WDR59: variants seen among roughly 807,000 people sequenced by gnomAD.
WDR59 encodes the protein WD repeat domain 59, also known as GATOR2 complex protein WDR59.
A neutral mutation model predicts 131.2 loss-of-function variants in WDR59; 100 were observed. The ratio of observed to expected loss-of-function variants is 0.76; its 90% confidence interval spans 0.65 to 0.90. WDR59 has a LOEUF of 0.90. WDR59 is among the 40% of genes least tolerant of loss of function. WDR59 has a pLI of 0.00. For missense variants in WDR59, 1,203 were observed against 1,262.2 expected, an observed-to-expected ratio of 0.95 and a Z score of 0.71; for synonymous variants, 601 against 466.2, an observed-to-expected ratio of 1.29 and a Z score of -3.72.
intron 20 of WDR59, 51 bp downstream of exon 20, chr16:74,892,433 A>G (rs1418760454): frequency 4.1e-6 from 6 of 1,460,040 alleles, no homozygotes; most frequent in Non-Finnish European, 4.8e-6. Flanking sequence ...AGTAAAAACA[A>G]TTTGCTCCTG....
chr16:74,909,941 C>T, intron 14 of WDR59, 24 bp from the exon 15 acceptor site: 1 of 1,464,716 alleles, frequency 6.8e-7, no homozygotes, highest in Non-Finnish European at 9.3e-7. Flanking sequence ...AAAACACAGT[C>T]AAGAAGAGGA....
intron 17 of WDR59, among the ~76,000 whole-genome samples, chr16:74,907,598 C>A (rs945199561): frequency 6.6e-6 from 1 of 152,200 alleles, no homozygotes; most frequent in African/African-American, 2.4e-5. Flanking sequence ...TTGGGCAATT[C>A]TTGCAGTGTG....
intron 6 of WDR59, among the ~76,000 whole-genome samples, chr16:74,944,335 G>A (rs772539432): frequency 1.4e-4 from 22 of 151,754 alleles, no homozygotes; most frequent in Non-Finnish European, 3.1e-4. Flanking sequence ...GTGTGGTGGC[G>A]TGCACCTGTA....
chr16:74,921,974 C>G lies in WDR59; in HGVS notation c.859G>C (p.Glu287Gln), dbSNP rs377125268. The G allele has an allele frequency of 6.2e-7, 1 of 1,614,028 alleles. No individual in the cohort carries two copies. Among genetic ancestry groups the G allele is most frequent in the East Asian group, 2.2e-5 (1 of 44,892 alleles). Reference sequence around the variant, plus strand: ...TCCTTCTGCTTCCTCCACTGGAACTCCAGGACCACATCATCATGCCCCACG... The same window carrying G: ...TCCTTCTGCTTCCTCCACTGGAACTGCAGGACCACATCATCATGCCCCACG... ...TFVGHDDVVL[E>Q]FQWRKQKEGS... The change falls in exon 10 of 26, where the codon GAG (glutamate) becomes CAG (glutamine). Residue 287 changes from glutamate to glutamine, a missense_variant. By Grantham distance (29) the Glu-to-Gln change is conservative. Transcript: ENST00000262144.
rs541264974 is a variant in WDR59, at chr16:74,935,783, G to A, written c.651+2367C>T. ...GGAGGCCAAGGCAGGTAGAGCACAA[G>A]GTCAAGAGATTGAGACCATCCTGGC... On this transcript the variant is annotated intron_variant, in intron 8 of 25. Coordinates refer to ENST00000262144, the MANE Select transcript of WDR59 (RefSeq NM_030581.4). 2.6e-4 allele frequency among the ~76,000 whole-genome samples: 40 copies of A among 152,134 alleles called. 1 individual carries two copies. The highest frequency in any genetic ancestry group is 9.4e-4 in the African/African-American group (39 of 41,510).
chr16:74,876,321 C>T (rs939673695), intron 25 of WDR59, among the ~76,000 whole-genome samples: 1 of 152,098 alleles, frequency 6.6e-6, no homozygotes, highest in African/African-American at 2.4e-5. Context: ...TATGTACAAA[C>T]TTTGGTTATG....
At chr16:74,892,411 T>A (rs573960815) in intron 20 of WDR59, 73 bp downstream of exon 20, 1 of 1,220,114 alleles carries the variant, frequency 8.2e-7, no homozygotes, top group Admixed American at 1.9e-5. Context: ...TGTCATTAAA[T>A]GCCAATGACA....
chr16:74,975,779 A>C (rs910511937), intron 1 of WDR59, among the ~76,000 whole-genome samples: 1 of 152,148 alleles, frequency 6.6e-6, no homozygotes, highest in Non-Finnish European at 1.5e-5. Flanking sequence ...CCTAAATCTT[A>C]ACACAGTCTG....
At chr16:74,934,518 T>C (rs1277750244) in intron 8 of WDR59, among the ~76,000 whole-genome samples, 1 of 152,212 alleles carries the variant, frequency 6.6e-6, no homozygotes, top group African/African-American at 2.4e-5. Context: ...GACTTCATTC[T>C]ATTTCAATCT....
chr16:74,917,857 T>C lies in WDR59; in HGVS notation c.966+72A>G, dbSNP rs1446450378. 6 of 1,335,784 alleles carry C rather than the reference T, an allele frequency of 4.5e-6. No homozygotes were observed. In the Admixed American group the frequency reaches 5.9e-5, roughly 13 times the overall value. The allele number at this position is 1,335,784 out of a possible 1,614,324, so 82.7% of individuals were successfully genotyped here. ...ATTGTTTATCCTGTAACCTCTAATT[T>C]CCGCAAATCCTGAATCTTACACTTT... On this transcript the variant is annotated intron_variant, in intron 11 of 25. Transcript: ENST00000262144.
At chr16:74,943,148 T>C (rs1304543618) in intron 6 of WDR59, among the ~76,000 whole-genome samples, 1 of 152,042 alleles carries the variant, frequency 6.6e-6, no homozygotes, top group African/African-American at 2.4e-5. Flanking sequence ...TGGCTAGTAA[T>C]TGACTTGTCA....
intron 2 of WDR59, chr16:74,959,550 G>A: frequency 2.2e-6 from 1 of 453,320 alleles, no homozygotes; most frequent in South Asian, 1.6e-5. Flanking sequence ...ATCGCTTGAG[G>A]CCCGGAGTTA....
intron 7 of WDR59, 98 bp downstream of exon 7, chr16:74,942,640 C>T (rs983526483): frequency 1.8e-5 from 21 of 1,192,012 alleles, no homozygotes; most frequent in East Asian, 1.2e-4. Flanking sequence ...CACAGGGTTC[C>T]CCAGACTCTC....
chr16:74,874,467 A>C (rs1490017795), intron 25 of WDR59, 23 bp from the exon 26 acceptor site: 2 of 1,608,192 alleles, frequency 1.2e-6, no homozygotes, highest in Non-Finnish European at 1.7e-6. Context: ...AGGGACGGGC[A>C]AAACAAGAGG....
chr16:74,878,530 G>T (rs189261936), intron 25 of WDR59, among the ~76,000 whole-genome samples: 1 of 152,168 alleles, frequency 6.6e-6, no homozygotes, highest in African/African-American at 2.4e-5. Context: ...GCGCACACCT[G>T]TAATACCTGG....
intron 2 of WDR59, among the ~76,000 whole-genome samples, chr16:74,958,614 A>AAAAAAAAAAAAAAAAAAAAAG (rs2033416528): frequency 7.0e-6 from 1 of 141,958 alleles, no homozygotes; most frequent in African/African-American, 2.6e-5. Flanking sequence ...AAAAAAAAAA[A>AAAAAAAAAAAAAAAAAAAAAG]AAAAAACAAG....
intron 25 of WDR59, among the ~76,000 whole-genome samples, chr16:74,883,255 C>T (rs1252457626): frequency 6.6e-6 from 1 of 151,924 alleles, no homozygotes; most frequent in Non-Finnish European, 1.5e-5. Flanking sequence ...AATCTCCTGA[C>T]CTCATGATCC....
chr16:74,880,978 A>C (rs1964451462), intron 25 of WDR59, among the ~76,000 whole-genome samples: 1 of 152,240 alleles, frequency 6.6e-6, no homozygotes, highest in Non-Finnish European at 1.5e-5. Flanking sequence ...CTGTTGAACG[A>C]AATTTAGGTG....
chr16:74,946,856 A>T lies in WDR59; in HGVS notation c.445+1663T>A, dbSNP rs116011008. ...GGTACAGAGGGAAAAAGTACCATGTACAGTAACCATTTCAGAGCAAACACC... is the reference window on the plus strand; with the variant it reads ...GGTACAGAGGGAAAAAGTACCATGTTCAGTAACCATTTCAGAGCAAACACC... On this transcript the variant is annotated intron_variant, in intron 6 of 25. Coordinates refer to ENST00000262144, the MANE Select transcript of WDR59 (RefSeq NM_030581.4). Among the ~76,000 whole-genome samples the T allele has an allele frequency of 6.0e-3, 918 of 152,364 alleles. 16 individuals are homozygous for T. Among genetic ancestry groups the T allele is most frequent in the African/African-American group, 0.021 (859 of 41,584 alleles).
Sources: allele counts gnomAD v4.1 joint callset (sites outside exome capture counted in the v4.1 genomes callset), GRCh38; gene constraint gnomAD v4.1.1; transcripts MANE v1.5; gene names NCBI Gene and HGNC (gene_info 2026-07-23, HGNC 2026-07-21).